VTCN1: variants seen among roughly 807,000 people sequenced by gnomAD.
VTCN1 encodes the protein V-set domain-containing T-cell activation inhibitor 1.
In VTCN1, 26 loss-of-function variants were observed where a neutral mutation model predicts 26.5. That is an observed-to-expected ratio of 0.98 (90% CI 0.72 to 1.36). The LOEUF is 1.36. VTCN1 is among the 40% of genes most tolerant of loss of function. The probability of loss-of-function intolerance (pLI) is 0.00; values close to 1 mark genes in which losing one functional copy is unlikely to be tolerated. For synonymous variants in VTCN1, 116 were observed against 130.7 expected, an observed-to-expected ratio of 0.89 and a Z score of 0.77; for missense variants, 298 against 337.7, an observed-to-expected ratio of 0.88 and a Z score of 0.92.
intron 1 of VTCN1, among the ~76,000 whole-genome samples, chr1:117,179,223 T>C (rs1317350368): frequency 1.3e-5 from 2 of 152,218 alleles, no homozygotes; most frequent in South Asian, 2.1e-4. Context: ...ATTCCTGGCC[T>C]GTAACTTCCA....
intron 1 of VTCN1, among the ~76,000 whole-genome samples, chr1:117,181,722 G>C (rs1025350394): frequency 6.6e-6 from 1 of 152,186 alleles, no homozygotes. Flanking sequence ...TAAGGTTTGA[G>C]ACAGGAGCTG....
intron 1 of VTCN1, among the ~76,000 whole-genome samples, chr1:117,186,840 C>T (rs1248257731): frequency 1.3e-5 from 2 of 152,090 alleles, no homozygotes; most frequent in African/African-American, 4.8e-5. Flanking sequence ...CCAGCCTGGG[C>T]AACATACCTG....
intron 4 of VTCN1, among the ~76,000 whole-genome samples, chr1:117,148,038 A>G (rs563957110): frequency 6.6e-6 from 1 of 152,334 alleles, no homozygotes; most frequent in African/African-American, 2.4e-5. Context: ...AGAGATTGTT[A>G]TGGGTTACCA....
intron 1 of VTCN1, among the ~76,000 whole-genome samples, chr1:117,190,034 G>A (rs1252459338): frequency 6.6e-6 from 1 of 152,180 alleles, no homozygotes; most frequent in Admixed American, 6.5e-5. Flanking sequence ...AGAACCATCG[G>A]CTAAGGAGCC....
chr1:117,193,096 A>G (rs1023066051), intron 1 of VTCN1, among the ~76,000 whole-genome samples: 2 of 152,166 alleles, frequency 1.3e-5, no homozygotes, highest in African/African-American at 4.8e-5. Flanking sequence ...GAGATGATTC[A>G]AAGTATATGG....
chr1:117,205,366 G>A (rs1346698581), intron 1 of VTCN1, among the ~76,000 whole-genome samples: 1 of 151,934 alleles, frequency 6.6e-6, no homozygotes, highest in Non-Finnish European at 1.5e-5. Context: ...TGTTACCCAG[G>A]CTTGTCTCAA....
intron 1 of VTCN1, among the ~76,000 whole-genome samples, chr1:117,188,741 A>G (rs1332170120): frequency 1.3e-5 from 2 of 152,038 alleles, no homozygotes; most frequent in Non-Finnish European, 2.9e-5. Flanking sequence ...ATGGCAGCCC[A>G]TTTTTTCCCC....
chr1:117,173,127 GCAAACAACTCCGGAA>G (rs1653012273), intron 1 of VTCN1: 3 of 712,722 alleles, frequency 4.2e-6, no homozygotes, highest in Non-Finnish European at 5.2e-6. Flanking sequence ...ACAGGGAGGA[GCAAACAACTCCGGAA>G]CAAACAACTC....
rs12061735 is a variant in VTCN1 at position 117,177,948 on chromosome 1, G to C, written c.33-7777C>G. On this transcript the variant is annotated intron_variant, in intron 1 of 5. Transcript: ENST00000369458. ...TTTTTTTTTTTTTTTTGGCGGGGTA[G>C]GTTGGGGGTGGCGACAGCCTCATTT... Among the ~76,000 whole-genome samples the C allele has an allele frequency of 2.0e-5, 3 of 146,902 alleles. No individual in the cohort carries two copies. In the East Asian group the frequency reaches 5.9e-4, roughly 29 times the overall value.
rs1364480272 is a variant in VTCN1 at position 117,154,019 on chromosome 1, TG to T, written c.446-651del. On this transcript the variant is annotated intron_variant, in intron 3 of 5. Coordinates refer to ENST00000369458, the MANE Select transcript of VTCN1 (RefSeq NM_024626.4). ...CCCCATATCCAGGCAGAGAGACAGTTGTGGGAAAATGTTTAAGCCTGGACTT... is the reference window on the plus strand; with the variant it reads ...CCCCATATCCAGGCAGAGAGACAGTTTGGGAAAATGTTTAAGCCTGGACTT... Among the ~76,000 whole-genome samples the T allele has an allele frequency of 2.0e-5, 3 of 152,320 alleles. No homozygotes were observed. In the East Asian group the frequency reaches 5.8e-4, roughly 29 times the overall value.
chr1:117,210,544 C>G (rs1317133136), intron 1 of VTCN1, among the ~76,000 whole-genome samples: 5 of 152,220 alleles, frequency 3.3e-5, no homozygotes, highest in African/African-American at 9.6e-5. Flanking sequence ...TTGGCACGTA[C>G]TCCCCTCAGT....
At chr1:117,205,856 G>C (rs1466796733) in intron 1 of VTCN1, among the ~76,000 whole-genome samples, 1 of 152,072 alleles carries the variant, frequency 6.6e-6, no homozygotes, top group Non-Finnish European at 1.5e-5. Flanking sequence ...AGCTAGTTAA[G>C]CATTACCACG....
At chr1:117,153,881 G>A (rs554457515) in intron 3 of VTCN1, among the ~76,000 whole-genome samples, 2 of 152,174 alleles carry the variant, frequency 1.3e-5, no homozygotes, top group Non-Finnish European at 2.9e-5. Context: ...GTTTGCTTGG[G>A]TAGAGATTGT....
chr1:117,197,876 T>C (rs568494705), intron 1 of VTCN1, among the ~76,000 whole-genome samples: 4 of 152,204 alleles, frequency 2.6e-5, no homozygotes, highest in Non-Finnish European at 4.4e-5. Flanking sequence ...CAGCGTTTGC[T>C]TCTTCAGTGA....
intron 2 of VTCN1, among the ~76,000 whole-genome samples, chr1:117,164,570 G>T (rs1652518200): frequency 1.3e-5 from 2 of 152,138 alleles, no homozygotes; most frequent in African/African-American, 4.8e-5. Flanking sequence ...AACAATGGCA[G>T]CTGTTTATCA....
At chr1:117,153,990 T>G (rs1464824096) in intron 3 of VTCN1, among the ~76,000 whole-genome samples, 1 of 152,180 alleles carries the variant, frequency 6.6e-6, no homozygotes, top group African/African-American at 2.4e-5. Context: ...AAGACTTAGC[T>G]TCCCCCCATA....
At chr1:117,172,025 G>A (rs1229975476) in intron 1 of VTCN1, among the ~76,000 whole-genome samples, 1 of 152,174 alleles carries the variant, frequency 6.6e-6, no homozygotes, top group Non-Finnish European at 1.5e-5. Context: ...AAGCTCGCCC[G>A]TTGCTGCCTG....
chr1:117,178,458 A>G (rs75039416), intron 1 of VTCN1, among the ~76,000 whole-genome samples: 1 of 150,860 alleles, frequency 6.6e-6, no homozygotes, highest in Non-Finnish European at 1.5e-5. Flanking sequence ...GGATTTCACT[A>G]TGTTGGCCAG....
At chr1:117,203,394 G>A (rs771625219) in intron 1 of VTCN1, among the ~76,000 whole-genome samples, 5 of 152,100 alleles carry the variant, frequency 3.3e-5, no homozygotes, top group Non-Finnish European at 7.4e-5. Context: ...TGGATGCACT[G>A]TCTGTCTCTC....
Sources: gnomAD v4.1 joint callset for allele counts (sites outside exome capture counted in the v4.1 genomes callset) on GRCh38, gnomAD v4.1.1 for gene constraint, MANE v1.5 for transcripts, NCBI Gene and HGNC (gene_info 2026-07-23, HGNC 2026-07-21) for gene names.